SULT1E1: variants seen among roughly 807,000 people sequenced by gnomAD.
The protein encoded by SULT1E1 is sulfotransferase 1E1.
In SULT1E1, 36 loss-of-function variants were observed where a neutral mutation model predicts 33.6. The ratio of observed to expected loss-of-function variants is 1.07; its 90% CI spans 0.82 to 1.41. SULT1E1 has a LOEUF of 1.41. Ranked by LOEUF, SULT1E1 falls within the 40% of genes most tolerant of loss-of-function variation. The pLI is 0.00. For missense variants in SULT1E1, 371 were observed against 345.7 expected (o/e 1.07, Z -0.58); for synonymous variants, 121 against 111.7 (o/e 1.08, Z -0.53).
At chr4:69,851,217 T>A (rs1314559342) in intron 4 of SULT1E1, among the ~76,000 whole-genome samples, 1 of 152,054 alleles carries the variant, frequency 6.6e-6, no homozygotes, top group Non-Finnish European at 1.5e-5. Flanking sequence ...ATTTTTGCAA[T>A]CTACTTATCT....
the SULT1E1 span, among the ~76,000 whole-genome samples, chr4:69,821,890 A>G: frequency 1.3e-5 from 2 of 152,364 alleles, no homozygotes; most frequent in Admixed American, 6.5e-5. Flanking sequence ...CATAACCATT[A>G]CATTGAGGTT....
chr4:69,826,914 C>T, the SULT1E1 span, among the ~76,000 whole-genome samples: 1 of 152,068 alleles, frequency 6.6e-6, no homozygotes, highest in Admixed American at 6.5e-5. Context: ...CTCCATATAG[C>T]TCCCCTTCCT....
chr4:69,822,124 A>G, the SULT1E1 span, among the ~76,000 whole-genome samples: 4 of 152,172 alleles, frequency 2.6e-5, no homozygotes, highest in African/African-American at 7.2e-5. Context: ...ACTAATATCA[A>G]TTAGGTTTTA....
At chr4:69,827,435 C>T in the SULT1E1 span, among the ~76,000 whole-genome samples, 2 of 151,988 alleles carry the variant, frequency 1.3e-5, no homozygotes, top group African/African-American at 4.8e-5. Context: ...TCTAGAAGGA[C>T]TAAGGAGAAT....
intron 4 of SULT1E1, among the ~76,000 whole-genome samples, chr4:69,851,586 A>T (rs1008255883): frequency 5.3e-5 from 8 of 152,182 alleles, no homozygotes; most frequent in Non-Finnish European, 1.2e-4. Flanking sequence ...GGGATCTAGA[A>T]CTAGAAATAC....
chr4:69,835,015 A>C, the SULT1E1 span, among the ~76,000 whole-genome samples: 1 of 152,098 alleles, frequency 6.6e-6, no homozygotes, highest in Admixed American at 6.5e-5. Context: ...TAATGCTCTC[A>C]AGTTTCTTTA....
intron 7 of SULT1E1, among the ~76,000 whole-genome samples, 200 bp from the exon 8 acceptor site, chr4:69,842,306 A>G (rs998444722): frequency 6.6e-6 from 1 of 152,206 alleles, no homozygotes; most frequent in Non-Finnish European, 1.5e-5. Flanking sequence ...TAAAAAAACA[A>G]CAAATTTAAT....
At chr4:69,826,293 A>G in the SULT1E1 span, among the ~76,000 whole-genome samples, 1 of 152,118 alleles carries the variant, frequency 6.6e-6, no homozygotes, top group Non-Finnish European at 1.5e-5. Context: ...CAGGTTTTCG[A>G]GAATGTGTCG....
the SULT1E1 span, among the ~76,000 whole-genome samples, chr4:69,827,021 C>T: frequency 5.3e-5 from 8 of 152,154 alleles, no homozygotes; most frequent in East Asian, 3.9e-4. Context: ...TCGGTTATGT[C>T]GCCTTCAAGC....
chr4:69,831,563 G>T, the SULT1E1 span, among the ~76,000 whole-genome samples: 3 of 152,086 alleles, frequency 2.0e-5, no homozygotes, highest in African/African-American at 7.2e-5. Flanking sequence ...AACCTTTGGG[G>T]GGTCAGTTTA....
chr4:69,850,501 G>C (rs1325100428), intron 4 of SULT1E1, among the ~76,000 whole-genome samples: 3 of 152,170 alleles, frequency 2.0e-5, no homozygotes, highest in Non-Finnish European at 2.9e-5. Context: ...TAGATGTATA[G>C]CTCTCGTTTT....
At chr4:69,836,183 T>C in the SULT1E1 span, among the ~76,000 whole-genome samples, 1 of 152,132 alleles carries the variant, frequency 6.6e-6, no homozygotes, top group East Asian at 1.9e-4. Context: ...CGAAAGAAAA[T>C]ATATTAAATA....
chr4:69,854,503 C>T (rs1159947528), intron 3 of SULT1E1, among the ~76,000 whole-genome samples, 189 bp from the exon 4 acceptor site: 1 of 152,010 alleles, frequency 6.6e-6, no homozygotes, highest in Non-Finnish European at 1.5e-5. Context: ...TTATGCATTG[C>T]ATGCCTATAT....
chr4:69,845,701 A>G (rs1306307854), intron 6 of SULT1E1, among the ~76,000 whole-genome samples: 1 of 151,486 alleles, frequency 6.6e-6, no homozygotes. Context: ...GGAAACCTAA[A>G]CATGGCTATT....
chr4:69,822,145 G>A, the SULT1E1 span, among the ~76,000 whole-genome samples: 11 of 152,076 alleles, frequency 7.2e-5, no homozygotes, highest in Non-Finnish European at 1.3e-4. Context: ...TGTAATTATT[G>A]TGATATAATT....
the SULT1E1 span, among the ~76,000 whole-genome samples, chr4:69,833,131 G>A: frequency 2.0e-5 from 3 of 151,724 alleles, no homozygotes; most frequent in Admixed American, 6.6e-5. Context: ...ACAAATTATG[G>A]TTCTGCAATT....
chr4:69,845,118 G>A (rs956775761), intron 6 of SULT1E1, among the ~76,000 whole-genome samples: 1 of 151,782 alleles, frequency 6.6e-6, no homozygotes, highest in Non-Finnish European at 1.5e-5. Context: ...TTTACCACAT[G>A]TGTATTTTTG....
chr4:69,824,974 C>T, the SULT1E1 span, among the ~76,000 whole-genome samples: 1 of 152,206 alleles, frequency 6.6e-6, no homozygotes, highest in Non-Finnish European at 1.5e-5. Context: ...CGGGTCACTA[C>T]TTTTAAGAGC....
At chr4:69,833,449 G>A in the SULT1E1 span, among the ~76,000 whole-genome samples, 172 of 152,234 alleles carry the variant, frequency 1.1e-3, no homozygotes, top group Middle Eastern at 0.01. Context: ...GAATTTCCAC[G>A]CATGACTGAA....
Sources: allele counts gnomAD v4.1 joint callset (sites outside exome capture counted in the v4.1 genomes callset), GRCh38; gene constraint gnomAD v4.1.1; transcripts MANE v1.5; gene names NCBI Gene and HGNC (gene_info 2026-07-23, HGNC 2026-07-21).